The following CNTNAP5 variants were observed in gnomAD, a reference collection of about 807,000 sequenced individuals.
CNTNAP5 encodes the protein contactin associated protein family member 5, also known as contactin-associated protein-like 5.
A neutral mutation model predicts 150.2 loss-of-function variants in CNTNAP5; 72 were observed. That is an observed-to-expected ratio of 0.48 (90% CI 0.40 to 0.58). The LOEUF is 0.58. Ranked by LOEUF, CNTNAP5 falls within the 20% of genes least tolerant of loss-of-function variation. CNTNAP5 has a pLI of 0.00. For missense variants in CNTNAP5, 1,636 were observed against 1,626.2 expected, an observed-to-expected ratio of 1.01 and a Z score of -0.10; for synonymous variants, 672 against 619.8, an observed-to-expected ratio of 1.08 and a Z score of -1.25.
At chr2:124,320,146 T>G (rs76990552) in intron 3 of CNTNAP5, among the ~76,000 whole-genome samples, 6,854 of 152,326 alleles carry the variant, frequency 0.045, 228 homozygotes, top group Non-Finnish European at 0.071. Flanking sequence ...TTTACAGTTA[T>G]ATCCATTTAT....
chr2:124,372,904 C>T (rs1369960357), intron 3 of CNTNAP5, among the ~76,000 whole-genome samples: 4 of 152,072 alleles, frequency 2.6e-5, no homozygotes, highest in East Asian at 1.9e-4. Flanking sequence ...ATCAAATATG[C>T]ATGTGAGGAA....
intron 4 of CNTNAP5, among the ~76,000 whole-genome samples, chr2:124,426,393 C>T (rs934835610): frequency 1.3e-5 from 2 of 152,116 alleles, no homozygotes; most frequent in Non-Finnish European, 2.9e-5. Flanking sequence ...TGTGGAAACC[C>T]TGGTGGTTTG....
At chr2:124,360,612 T>C (rs960840051) in intron 3 of CNTNAP5, among the ~76,000 whole-genome samples, 2 of 137,550 alleles carry the variant, frequency 1.5e-5, no homozygotes, top group African/African-American at 5.4e-5. Flanking sequence ...AAAATTCTTT[T>C]CTTTAAGAAT....
chr2:124,907,671 G>C (rs530469275), intron 22 of CNTNAP5, among the ~76,000 whole-genome samples: 1 of 150,424 alleles, frequency 6.6e-6, no homozygotes, highest in Admixed American at 6.7e-5. Flanking sequence ...TTGAGAGGGG[G>C]ATTAAAACTA....
chr2:124,032,413 AT>A (rs1434368541), intron 1 of CNTNAP5, among the ~76,000 whole-genome samples: 1 of 152,100 alleles, frequency 6.6e-6, no homozygotes, highest in Non-Finnish European at 1.5e-5. Context: ...TTATAGTCAG[AT>A]TTTTTTGCTT....
chr2:124,793,453 G>A (rs1245052507), intron 18 of CNTNAP5, among the ~76,000 whole-genome samples: 1 of 152,002 alleles, frequency 6.6e-6, no homozygotes. Context: ...TATATGATTT[G>A]CAAATGTTTT....
chr2:124,261,593 T>C (rs368028459), intron 3 of CNTNAP5, among the ~76,000 whole-genome samples: 1 of 152,192 alleles, frequency 6.6e-6, no homozygotes, highest in African/African-American at 2.4e-5. Flanking sequence ...ATTCCCAGCG[T>C]CCAGGTGGGT....
chr2:124,139,887 C>T (rs1187905436), intron 1 of CNTNAP5, among the ~76,000 whole-genome samples: 3 of 152,288 alleles, frequency 2.0e-5, no homozygotes, highest in East Asian at 1.9e-4. Context: ...CCGGGTTCAT[C>T]GCACTAGGGA....
chr2:124,864,546 GTC>G (rs374205214), intron 19 of CNTNAP5, among the ~76,000 whole-genome samples: 2 of 133,914 alleles, frequency 1.5e-5, no homozygotes, highest in Admixed American at 8.2e-5. Flanking sequence ...CTCTCTCTCT[GTC>G]TCTCTCTCTC....
At chr2:124,717,976 A>C (rs1042113157) in intron 13 of CNTNAP5, among the ~76,000 whole-genome samples, 40 of 140,074 alleles carry the variant, frequency 2.9e-4, no homozygotes, top group Non-Finnish European at 1.6e-4. Context: ...CACTCCTGAA[A>C]ACAATATTAA....
intron 13 of CNTNAP5, 89 bp from the exon 14 acceptor site, chr2:124,747,140 C>A: frequency 7.8e-7 from 1 of 1,275,662 alleles, no homozygotes; most frequent in Non-Finnish European, 1.1e-6. Flanking sequence ...CATCTATTCT[C>A]CAAGATATTT....
intron 3 of CNTNAP5, among the ~76,000 whole-genome samples, chr2:124,332,704 A>T (rs1258053003): frequency 6.6e-6 from 1 of 151,990 alleles, no homozygotes; most frequent in Admixed American, 6.6e-5. Flanking sequence ...AAGCATAATT[A>T]TTATTTTAAA....
chr2:124,234,006 G>A (rs1686686959), intron 2 of CNTNAP5, among the ~76,000 whole-genome samples: 1 of 151,960 alleles, frequency 6.6e-6, no homozygotes, highest in African/African-American at 2.4e-5. Flanking sequence ...AGTATATACT[G>A]CTCATGAGAA....
At chr2:124,618,417 A>AT (rs1558706377) in intron 12 of CNTNAP5, among the ~76,000 whole-genome samples, 3 of 151,870 alleles carry the variant, frequency 2.0e-5, no homozygotes, top group Admixed American at 2.0e-4. Context: ...TGAATATATA[A>AT]AAGGAATTTA....
At chr2:124,483,621 C>G (rs567392963) in intron 7 of CNTNAP5, among the ~76,000 whole-genome samples, 5 of 152,222 alleles carry the variant, frequency 3.3e-5, no homozygotes, top group Admixed American at 1.3e-4. Flanking sequence ...ACCTTCTCCT[C>G]AGAGCCCCTT....
rs1199650280 is a variant in CNTNAP5 at position 124,917,610 on chromosome 2, A to G, written c.*3322A>G. Among the ~76,000 whole-genome samples, 1 of 152,098 alleles carries G rather than the reference A, an allele frequency of 6.6e-6. No homozygotes were observed. ...TAATAACAGAGATGGTATTAACTTG[A>G]CTTCTACCTTTTGTCAGACTCATCT... On this transcript the variant is annotated 3_prime_UTR_variant, in exon 24 of 24. Coordinates refer to ENST00000682447, the MANE Select transcript of CNTNAP5 (RefSeq NM_001367498.1).
intron 13 of CNTNAP5, among the ~76,000 whole-genome samples, chr2:124,656,400 GT>G (rs1678458781): frequency 6.6e-6 from 1 of 152,090 alleles, no homozygotes; most frequent in African/African-American, 2.4e-5. Context: ...GTTTTTAAGC[GT>G]TTGCCACAGC....
chr2:124,194,391 ATATATATATATATATATATAAATAT>A (rs1558795448), intron 1 of CNTNAP5, among the ~76,000 whole-genome samples: 9 of 13,666 alleles, frequency 6.6e-4, no homozygotes, highest in Non-Finnish European at 6.6e-4. Context: ...ATATATATAT[ATATATATATATATATATATAAATAT>A]AAATAGGTGT....
chr2:124,069,872 G>A lies in CNTNAP5; in HGVS notation c.82+44140G>A, dbSNP rs956858578. ...GTACAAAACTAACTGGGAATAGTAA[G>A]CGCACAGAGAAACACAGAATATTAT... On this transcript the variant is annotated intron_variant, in intron 1 of 23. Transcript: ENST00000682447. Among the ~76,000 whole-genome samples, 9 of 152,146 alleles carry A rather than the reference G, an allele frequency of 5.9e-5. 1 individual carries two copies. In the South Asian group the frequency reaches 1.4e-3, roughly 25 times the overall value.
Sources: gnomAD v4.1 joint callset for allele counts (sites outside exome capture counted in the v4.1 genomes callset) on GRCh38, gnomAD v4.1.1 for gene constraint, MANE v1.5 for transcripts, NCBI Gene and HGNC (gene_info 2026-07-23, HGNC 2026-07-21) for gene names.